TBK1: variants seen among roughly 807,000 people sequenced by gnomAD.
TBK1 encodes serine/threonine-protein kinase TBK1.
A neutral mutation model predicts 99.9 loss-of-function variants in TBK1; 37 were observed. The observed-to-expected ratio is 0.37, with a 90% confidence interval of 0.28 to 0.49. The LOEUF is 0.49. Among genes scored for constraint, TBK1 ranks in the 20% least tolerant of loss-of-function variants. The pLI, the probability that TBK1 is intolerant of heterozygous loss-of-function variation, is 0.98. For missense variants in TBK1, 644 were observed against 872.5 expected, an observed-to-expected ratio of 0.74 and a Z score of 3.30; for synonymous variants, 258 against 279.8, an observed-to-expected ratio of 0.92 and a Z score of 0.78.
intron 20 of TBK1, among the ~76,000 whole-genome samples, chr12:64,498,801 C>A (rs2040956142): frequency 6.6e-6 from 1 of 151,720 alleles, no homozygotes; most frequent in African/African-American, 2.4e-5. Flanking sequence ...ACCAAAAATA[C>A]AAAAATTAGC....
At chr12:64,485,765 TTATTA>T in intron 10 of TBK1, 156 bp from the exon 11 acceptor site, 1 of 450,818 alleles carries the variant, frequency 2.2e-6, no homozygotes, top group South Asian at 6.2e-5. Context: ...GATAACATAT[TTATTA>T]TATTTATATC....
rs1396068301 is a variant in TBK1 at position 64,488,501 on chromosome 12, A to G, written c.1355A>G (p.Asp452Gly). Residue 452 changes from aspartate (D) to glycine (G), a missense_variant, in exon 12 of 21, where the codon GAT (aspartate) becomes GGT (glycine). Around this residue, in one of 3 missense-constraint regions of TBK1, gnomAD observed 465 missense variants for 588.0 expected, o/e 0.79. Coordinates refer to ENST00000331710, the MANE Select transcript of TBK1 (RefSeq NM_013254.4). ...GIRWLIELIKDDYNETVHKKT... is the reference protein window; with the variant it reads ...GIRWLIELIKGDYNETVHKKT... ...TCTTTTTTTAGTGAATTAATTAAAG[A>G]TGATTACAATGAAACTGTTCACAAA... 1 of 1,580,816 alleles carries G rather than the reference A, an allele frequency of 6.3e-7. No individual in the cohort carries two copies.
chr12:64,464,869 G>T (rs1047421592), intron 4 of TBK1, among the ~76,000 whole-genome samples: 3 of 151,972 alleles, frequency 2.0e-5, no homozygotes, highest in Admixed American at 2.0e-4. Context: ...ATTAATAACC[G>T]ACATCATTGG....
chr12:64,488,662 T>C, intron 12 of TBK1, 74 bp downstream of exon 12: 1 of 1,077,738 alleles, frequency 9.3e-7, no homozygotes, highest in East Asian at 2.7e-5. Context: ...GACTTAGTTA[T>C]CCTTGGCACA....
At chr12:64,483,294 A>C (rs1161148908) in intron 8 of TBK1, among the ~76,000 whole-genome samples, 1 of 152,226 alleles carries the variant, frequency 6.6e-6, no homozygotes, top group African/African-American at 2.4e-5. Flanking sequence ...GTACACACAA[A>C]AATTAAAAAC....
intron 2 of TBK1, among the ~76,000 whole-genome samples, chr12:64,459,282 G>A (rs1344894800): frequency 6.6e-6 from 1 of 152,214 alleles, no homozygotes; most frequent in Non-Finnish European, 1.5e-5. Flanking sequence ...GGCCACGAGG[G>A]AGAGGCTTGC....
intron 11 of TBK1, among the ~76,000 whole-genome samples, chr12:64,487,671 A>G (rs73120395): frequency 0.014 from 2,132 of 152,316 alleles, 25 homozygotes; most frequent in Admixed American, 0.021. Flanking sequence ...TCATGAGAAA[A>G]TAGTTTTAAT....
intron 20 of TBK1, 26 bp from the exon 21 acceptor site, chr12:64,501,304 T>G (rs1175628646): frequency 1.9e-6 from 3 of 1,610,804 alleles, no homozygotes; most frequent in Non-Finnish European, 2.5e-6. Context: ...TGAGATTACC[T>G]TTTTTTCTTT....
In TBK1 at chr12:64,455,833, C is replaced by G; in HGVS notation, c.-31-7C>G. The G allele has an allele frequency of 6.5e-7, 1 of 1,531,410 alleles. No individual in the cohort carries two copies. The highest frequency in any genetic ancestry group is 8.8e-7 in the Non-Finnish European group (1 of 1,131,344). 94.9% of individuals were successfully genotyped at this position (1,531,410 alleles called of 1,614,324 possible). ...AAACATAGTTGCAAATTTTTTTTTT[C>G]TCTTAGTATAACAAGAGGATTGCCT... On this transcript the variant is annotated splice_region_variant and splice_polypyrimidine_tract_variant and intron_variant, in intron 1 of 20. Transcript: ENST00000331710.
At chr12:64,501,280 A>G (rs2040985533) in intron 20 of TBK1, 50 bp from the exon 21 acceptor site, 3 of 1,601,404 alleles carry the variant, frequency 1.9e-6, no homozygotes, top group South Asian at 2.2e-5. Flanking sequence ...GCCTTTATAC[A>G]TAAATGCAAC....
chr12:64,476,310 A>G (rs949867180), intron 6 of TBK1, among the ~76,000 whole-genome samples: 4 of 151,598 alleles, frequency 2.6e-5, no homozygotes, highest in Admixed American at 1.3e-4. Flanking sequence ...GGCACGTGCC[A>G]CCACACCCGG....
Position 64,485,524 on chromosome 12 carries a change from A to C in TBK1, c.1248+11A>C, listed in dbSNP as rs1217304738. On this transcript the variant is annotated intron_variant, in intron 10 of 20. Transcript: ENST00000331710. ...GCTAGCATGGCTAAGGTTAGTATTT[A>C]ATTTAATTACTATGTAAACATCTGA... 2.1e-6 allele frequency: 3 copies of C among 1,440,890 alleles called. No individual in the cohort carries two copies. Among genetic ancestry groups the C allele is most frequent in the Non-Finnish European group, 2.9e-6 (3 of 1,041,156 alleles). 89.3% of individuals were successfully genotyped at this position (1,440,890 alleles called of 1,614,324 possible).
intron 4 of TBK1, among the ~76,000 whole-genome samples, chr12:64,464,795 C>A (rs577122521): frequency 6.6e-6 from 1 of 152,068 alleles, no homozygotes; most frequent in Non-Finnish European, 1.5e-5. Context: ...TTCGCATAGA[C>A]ATTTCTCCAA....
chr12:64,500,280 T>C (rs2040975404), intron 20 of TBK1, among the ~76,000 whole-genome samples: 2 of 152,248 alleles, frequency 1.3e-5, no homozygotes, highest in South Asian at 4.1e-4. Flanking sequence ...CTGTCCCAAC[T>C]CAGTTTTCTC....
In TBK1 at chr12:64,464,536, A is replaced by T. The variant is rs75657141; in HGVS notation, c.358+73A>T. ...ACAGAATTTTTAAAAAATATCTTCC[A>T]TTCAAAACTGAAGACCTTTATGCAA... is the stretch of plus-strand genomic sequence containing the variant. On this transcript the variant is annotated intron_variant, in intron 4 of 20. Coordinates refer to ENST00000331710, the MANE Select transcript of TBK1 (RefSeq NM_013254.4). 1.3e-3 allele frequency: 1,624 copies of T among 1,248,062 alleles called. 19 individuals are homozygous for T. The African/African-American group carries it at 0.018, about 14-fold the overall frequency. The allele number at this position is 1,248,062 out of a possible 1,614,324, so 77.3% of individuals were successfully genotyped here.
At chr12:64,475,211 C>A (rs2040699329) in intron 6 of TBK1, among the ~76,000 whole-genome samples, 1 of 152,080 alleles carries the variant, frequency 6.6e-6, no homozygotes, top group African/African-American at 2.4e-5. Context: ...GGACCAGACA[C>A]TTGATATATT....
In TBK1 at chr12:64,475,074, C is replaced by T. The variant is rs76423079; in HGVS notation, c.701+684C>T. Among the ~76,000 whole-genome samples the T allele has an allele frequency of 6.6e-4, 100 of 152,118 alleles. 2 individuals are homozygous for T. The South Asian group carries it at 0.013, about 20-fold the overall frequency. On this transcript the variant is annotated intron_variant, in intron 6 of 20. Transcript: ENST00000331710. ...TTGAGGCTGCTGTGAACTGTGATTG[C>T]GCCACGGCACTCCAGCCTGGGCGAC...
At chr12:64,497,101 G>A (rs2040934345) in intron 17 of TBK1, 51 bp downstream of exon 17, 5 of 1,574,996 alleles carry the variant, frequency 3.2e-6, no homozygotes, top group East Asian at 4.5e-5. Flanking sequence ...CAATATAAAT[G>A]TATATTTGAA....
Position 64,480,134 on chromosome 12 carries a change from G to A in TBK1, c.812+12G>A, listed in dbSNP as rs1311828779. ...TGCAGTCTTTCTCGGTAAGTATGGTGTACCTAATTCTCATCTTTTGCACTT... is the reference window on the plus strand; with the variant it reads ...TGCAGTCTTTCTCGGTAAGTATGGTATACCTAATTCTCATCTTTTGCACTT... On this transcript the variant is annotated intron_variant, in intron 7 of 20. Transcript: ENST00000331710. 3.1e-6 allele frequency: 5 copies of A among 1,595,306 alleles called. No homozygotes were observed. The highest frequency in any genetic ancestry group is 4.3e-6 in the Non-Finnish European group (5 of 1,166,686).
Sources: allele counts gnomAD v4.1 joint callset (sites outside exome capture counted in the v4.1 genomes callset), GRCh38; gene constraint gnomAD v4.1.1; regional missense constraint gnomAD v4.1.1; transcripts MANE v1.5; gene names NCBI Gene and HGNC (gene_info 2026-07-23, HGNC 2026-07-21).